Variants in SHISA9 observed in about 807,000 individuals in gnomAD.
SHISA9 encodes the protein protein shisa-9.
SHISA9 carries 13 observed loss-of-function variants against 38.0 expected under a neutral mutation model. The observed-to-expected ratio is 0.34, with a 90% confidence interval of 0.22 to 0.54. SHISA9 has a LOEUF of 0.54. Ranked by LOEUF, SHISA9 falls within the 20% of genes least tolerant of loss-of-function variation. The pLI, the probability that SHISA9 is intolerant of heterozygous loss-of-function variation, is 0.91. For missense variants in SHISA9, 538 were observed against 575.8 expected, an observed-to-expected ratio of 0.93 and a Z score of 0.67; for synonymous variants, 275 against 242.0, an observed-to-expected ratio of 1.14 and a Z score of -1.27.
chr16:13,114,186 G>C (rs899102987), intron 2 of SHISA9, among the ~76,000 whole-genome samples: 5 of 151,938 alleles, frequency 3.3e-5, no homozygotes, highest in African/African-American at 7.3e-5. Context: ...TACGAAAAAG[G>C]CTGGGCGTGG....
the SHISA9 span, among the ~76,000 whole-genome samples, chr16:13,424,225 T>C: frequency 0.71 from 107,410 of 151,456 alleles, 38,239 homozygotes; most frequent in East Asian, 0.81. Flanking sequence ...CCTGAATATC[T>C]CACTAGGAAG....
the SHISA9 span, among the ~76,000 whole-genome samples, chr16:13,464,401 A>C: frequency 6.6e-6 from 1 of 152,246 alleles, no homozygotes; most frequent in Non-Finnish European, 1.5e-5. Flanking sequence ...ATCAGTCCAA[A>C]ACTTACAATC....
chr16:13,333,360 G>A, the SHISA9 span, among the ~76,000 whole-genome samples: 1 of 152,190 alleles, frequency 6.6e-6, no homozygotes, highest in African/African-American at 2.4e-5. Context: ...TTTGGGTACA[G>A]GGTATCACCC....
rs972596153 is a variant in SHISA9 at position 13,160,125 on chromosome 16, G to C, written c.692-43269G>C. Among the ~76,000 whole-genome samples, 8 of 152,326 alleles carry C rather than the reference G, an allele frequency of 5.3e-5. No individual in the cohort carries two copies. The East Asian group carries it at 1.3e-3, about 26-fold the overall frequency. On this transcript the variant is annotated intron_variant, in intron 2 of 4. Transcript: ENST00000558583. ...GTCAATGAGGTGCCTTCTAAGAAAG[G>C]CTGAGCCATATGAAGGCCTAGGGAA...
the SHISA9 span, among the ~76,000 whole-genome samples, chr16:13,255,045 T>C: frequency 6.6e-6 from 1 of 152,186 alleles, no homozygotes. Flanking sequence ...TGCTCCTCTA[T>C]CTAATAACAC....
the SHISA9 span, among the ~76,000 whole-genome samples, chr16:13,307,152 A>G: frequency 6.6e-6 from 1 of 152,252 alleles, no homozygotes; most frequent in Non-Finnish European, 1.5e-5. Flanking sequence ...TCCAAAGCAC[A>G]GTTTCAGTAT....
chr16:13,115,270 G>A (rs1596657338), intron 2 of SHISA9, among the ~76,000 whole-genome samples: 2 of 152,166 alleles, frequency 1.3e-5, no homozygotes, highest in South Asian at 4.1e-4. Context: ...GAAATATAGA[G>A]GTGTGAAGTG....
intron 2 of SHISA9, among the ~76,000 whole-genome samples, chr16:13,070,119 AGTAC>A (rs1247619979): frequency 1.4e-5 from 1 of 69,632 alleles, no homozygotes; most frequent in Non-Finnish European, 3.0e-5. Flanking sequence ...AACCCTTTAA[AGTAC>A]GTGTGTGTGT....
chr16:13,315,153 T>A, the SHISA9 span, among the ~76,000 whole-genome samples: 1 of 152,200 alleles, frequency 6.6e-6, no homozygotes, highest in Non-Finnish European at 1.5e-5. Context: ...ACCTGGCCAC[T>A]CATTTATTGT....
chr16:13,474,355 A>G, the SHISA9 span: 9 of 152,218 alleles, frequency 5.9e-5, no homozygotes, highest in Admixed American at 2.0e-4. Context: ...GGAACTTTTT[A>G]TTTAATGCAA....
At chr16:13,272,512 G>A in the SHISA9 span, among the ~76,000 whole-genome samples, 2 of 152,088 alleles carry the variant, frequency 1.3e-5, no homozygotes, top group Non-Finnish European at 2.9e-5. Flanking sequence ...ACAAGCGTGA[G>A]CCACTGTACC....
At chr16:13,159,546 C>G (rs1225102331) in intron 2 of SHISA9, among the ~76,000 whole-genome samples, 1 of 152,240 alleles carries the variant, frequency 6.6e-6, no homozygotes, top group African/African-American at 2.4e-5. Flanking sequence ...AGTAAAATTT[C>G]ACTCAGCAGA....
At chr16:12,973,219 C>G (rs1308731584) in intron 2 of SHISA9, among the ~76,000 whole-genome samples, 1 of 152,232 alleles carries the variant, frequency 6.6e-6, no homozygotes, top group Non-Finnish European at 1.5e-5. Context: ...AGCCTGGCAG[C>G]TGAATCCCAT....
the SHISA9 span, among the ~76,000 whole-genome samples, chr16:13,326,755 G>A: frequency 0.02 from 2,986 of 152,200 alleles, 82 homozygotes; most frequent in African/African-American, 0.068. Context: ...AAAGTTCCAG[G>A]AAAGATACTG....
chr16:13,543,169 T>A, the SHISA9 span, among the ~76,000 whole-genome samples: 41 of 152,284 alleles, frequency 2.7e-4, 1 homozygote, highest in East Asian at 7.0e-3. Context: ...GAAAGCATTG[T>A]TATGCCTAAA....
At chr16:13,130,611 G>C (rs2050298106) in intron 2 of SHISA9, among the ~76,000 whole-genome samples, 2 of 152,088 alleles carry the variant, frequency 1.3e-5, no homozygotes, top group African/African-American at 4.8e-5. Flanking sequence ...GTTTAGGTAT[G>C]ACTTTTTATT....
At chr16:12,947,410 T>A (rs2071702443) in intron 2 of SHISA9, among the ~76,000 whole-genome samples, 2 of 152,206 alleles carry the variant, frequency 1.3e-5, no homozygotes, top group African/African-American at 4.8e-5. Context: ...TGGGGCATGT[T>A]AAACGCAAAT....
At chr16:13,130,268 T>C (rs965981341) in intron 2 of SHISA9, among the ~76,000 whole-genome samples, 1 of 152,166 alleles carries the variant, frequency 6.6e-6, no homozygotes. Context: ...GATTTAAGTA[T>C]AATTCTCTCT....
chr16:13,489,624 G>T, the SHISA9 span, among the ~76,000 whole-genome samples: 1 of 152,092 alleles, frequency 6.6e-6, no homozygotes. Flanking sequence ...CCTTTCACTT[G>T]GCTCTCATTC....
Sources: allele counts gnomAD v4.1 joint callset (sites outside exome capture counted in the v4.1 genomes callset), GRCh38; gene constraint gnomAD v4.1.1; transcripts MANE v1.5; gene names NCBI Gene and HGNC (gene_info 2026-07-23, HGNC 2026-07-21).